The following BBS9 variants were observed in gnomAD, a reference collection of about 807,000 sequenced individuals.
The protein encoded by BBS9 is Bardet-Biedl syndrome 9, also known as protein PTHB1.
In BBS9, 89 loss-of-function variants were observed where a neutral mutation model predicts 117.7. That is an observed-to-expected ratio of 0.76 (90% confidence interval 0.64 to 0.90). The LOEUF is 0.90. Ranked by LOEUF, BBS9 falls within the 40% of genes least tolerant of loss-of-function variation. The pLI is 0.00. For missense variants in BBS9, 982 were observed against 1,042.2 expected (o/e 0.94, Z 0.80); for synonymous variants, 379 against 370.9 (o/e 1.02, Z -0.25).
At chr7:33,296,336 A>C (rs1296241679) in intron 9 of BBS9, among the ~76,000 whole-genome samples, 1 of 152,144 alleles carries the variant, frequency 6.6e-6, no homozygotes, top group Admixed American at 6.5e-5. Context: ...AATTTAATTT[A>C]TGACATTTGA....
At chr7:33,265,798 G>A (rs1162158634) in intron 7 of BBS9, among the ~76,000 whole-genome samples, 4 of 152,040 alleles carry the variant, frequency 2.6e-5, no homozygotes, top group Non-Finnish European at 5.9e-5. Flanking sequence ...AGCTGAGATC[G>A]TGCCACTGTA....
At chr7:33,234,990 G>C (rs1335436469) in intron 5 of BBS9, among the ~76,000 whole-genome samples, 1 of 151,910 alleles carries the variant, frequency 6.6e-6, no homozygotes, top group Non-Finnish European at 1.5e-5. Context: ...ATATATTTTG[G>C]TTTTGAATTT....
intron 17 of BBS9, among the ~76,000 whole-genome samples, chr7:33,378,841 T>C (rs886158823): frequency 1.3e-5 from 2 of 152,170 alleles, no homozygotes; most frequent in Admixed American, 6.5e-5. Flanking sequence ...TAGGTCCTAA[T>C]TGGGTTTGTC....
downstream of BBS9, among the ~76,000 whole-genome samples, chr7:33,607,956 A>C (rs1176705985): frequency 1.3e-5 from 2 of 151,290 alleles, no homozygotes; most frequent in Non-Finnish European, 2.9e-5. Flanking sequence ...ACCTGGGTAT[A>C]CTGGGTGATG....
At chr7:33,484,651 G>A (rs1179458894) in intron 19 of BBS9, among the ~76,000 whole-genome samples, 1 of 152,180 alleles carries the variant, frequency 6.6e-6, no homozygotes, top group African/African-American at 2.4e-5. Context: ...AGATGCTGGC[G>A]AGGTTGTGGA....
rs1341269647 is a variant in BBS9, at chr7:33,240,700, A to G, written c.443-16536A>G. Among the ~76,000 whole-genome samples the G allele has an allele frequency of 2.0e-5, 3 of 152,244 alleles. No individual in the cohort carries two copies. The East Asian group carries it at 5.8e-4, about 29-fold the overall frequency. ...AAATCTATAAATTATTGTAATGCAT[A>G]ACTGGCATGTTTGTGATACAATTTT... On this transcript the variant is annotated intron_variant, in intron 5 of 22. Coordinates refer to ENST00000242067, the MANE Select transcript of BBS9 (RefSeq NM_198428.3).
intron 19 of BBS9, among the ~76,000 whole-genome samples, chr7:33,493,670 G>A (rs193181847): frequency 1.3e-5 from 2 of 152,310 alleles, no homozygotes; most frequent in East Asian, 3.9e-4. Context: ...CACTGGGGCG[G>A]ATTGGACAAT....
intron 4 of BBS9, among the ~76,000 whole-genome samples, chr7:33,170,825 C>G (rs1050034619): frequency 5.9e-5 from 9 of 151,566 alleles, no homozygotes; most frequent in Non-Finnish European, 2.9e-5. Flanking sequence ...AAACAGAGAG[C>G]CAAATCATGA....
intron 2 of BBS9, among the ~76,000 whole-genome samples, chr7:33,150,846 A>C (rs2128104846): frequency 6.6e-6 from 1 of 152,356 alleles, no homozygotes; most frequent in East Asian, 1.9e-4. Context: ...ATGTTTCTGC[A>C]TAAAGAGTAA....
At chr7:33,159,008 T>G (rs867330154) in intron 4 of BBS9, among the ~76,000 whole-genome samples, 1 of 152,208 alleles carries the variant, frequency 6.6e-6, no homozygotes, top group African/African-American at 2.4e-5. Flanking sequence ...GAGGTTTACC[T>G]TATTTGAACA....
chr7:33,222,206 T>C (rs1790380217), intron 5 of BBS9, among the ~76,000 whole-genome samples: 1 of 152,188 alleles, frequency 6.6e-6, no homozygotes, highest in Non-Finnish European at 1.5e-5. Context: ...TTGATAGAAA[T>C]GATAGATGTT....
intron 20 of BBS9, among the ~76,000 whole-genome samples, chr7:33,532,709 T>C (rs1174987241): frequency 6.6e-6 from 1 of 152,122 alleles, no homozygotes; most frequent in Admixed American, 6.5e-5. Context: ...AACCATATCA[T>C]AGTTGAAGCT....
intron 21 of BBS9, among the ~76,000 whole-genome samples, chr7:33,633,961 C>T (rs1866021050): frequency 6.6e-6 from 1 of 152,160 alleles, no homozygotes; most frequent in African/African-American, 2.4e-5. Flanking sequence ...ATGCCATGGC[C>T]CTTCTCTTCA....
chr7:33,129,322 G>T (rs1789221548), upstream of BBS9: 1 of 544,998 alleles, frequency 1.8e-6, no homozygotes, highest in African/African-American at 1.9e-5. Context: ...CAGGCAGGAG[G>T]AGGGTCTTCC....
chr7:33,260,221 C>T (rs549366515), intron 6 of BBS9, among the ~76,000 whole-genome samples: 2 of 151,992 alleles, frequency 1.3e-5, no homozygotes, highest in Admixed American at 6.5e-5. Flanking sequence ...GGGCTGGTTG[C>T]GAACTCCTGA....
At chr7:33,462,752 C>T (rs1003679566) in intron 19 of BBS9, among the ~76,000 whole-genome samples, 1 of 151,948 alleles carries the variant, frequency 6.6e-6, no homozygotes, top group Non-Finnish European at 1.5e-5. Context: ...AGGGATATTA[C>T]TCAGAATAAG....
At chr7:33,478,692 G>A (rs1483803536) in intron 19 of BBS9, among the ~76,000 whole-genome samples, 3 of 151,974 alleles carry the variant, frequency 2.0e-5, no homozygotes, top group Non-Finnish European at 4.4e-5. Context: ...GAGAGGTGGT[G>A]CCAGGTTTTT....
At chr7:33,393,451 T>G (rs1827406207) in intron 19 of BBS9, among the ~76,000 whole-genome samples, 1 of 152,186 alleles carries the variant, frequency 6.6e-6, no homozygotes, top group South Asian at 2.1e-4. Flanking sequence ...TTAATACTTT[T>G]AGAACAAAGG....
intron 2 of BBS9, among the ~76,000 whole-genome samples, chr7:33,147,502 T>C (rs1054145283): frequency 6.6e-6 from 1 of 152,150 alleles, no homozygotes; most frequent in African/African-American, 2.4e-5. Flanking sequence ...ATTTGGTCCC[T>C]GATTTTCCAC....
Sources: allele counts gnomAD v4.1 joint callset (sites outside exome capture counted in the v4.1 genomes callset), GRCh38; gene constraint gnomAD v4.1.1; transcripts MANE v1.5; gene names NCBI Gene and HGNC (gene_info 2026-07-23, HGNC 2026-07-21).